SYN2: variants seen among roughly 807,000 people sequenced by gnomAD.
SYN2 encodes the protein synapsin II.
A neutral mutation model predicts 50.9 loss-of-function variants in SYN2; 19 were observed. The ratio of observed to expected loss-of-function variants is 0.37; its 90% CI spans 0.26 to 0.55. SYN2 has a LOEUF of 0.55. Ranked by LOEUF, SYN2 falls within the 20% of genes least tolerant of loss-of-function variation. The pLI, the probability that SYN2 is intolerant of heterozygous loss-of-function variation, is 0.81. For missense variants in SYN2, 587 were observed against 576.4 expected, an observed-to-expected ratio of 1.02 and a Z score of -0.19; for synonymous variants, 255 against 224.9, an observed-to-expected ratio of 1.13 and a Z score of -1.20.
intron 1 of SYN2, among the ~76,000 whole-genome samples, chr3:12,076,788 G>C (rs185833323): frequency 6.6e-6 from 1 of 152,178 alleles, no homozygotes; most frequent in East Asian, 1.9e-4. Context: ...TCCCATTACA[G>C]ACCTCTTTGA....
intron 7 of SYN2, among the ~76,000 whole-genome samples, chr3:12,166,261 GCAGGACT>G (rs1170393500): frequency 6.6e-6 from 1 of 152,222 alleles, no homozygotes; most frequent in Non-Finnish European, 1.5e-5. Context: ...GACAGTGTAA[GCAGGACT>G]CTTCTGTCCC....
intron 1 of SYN2, chr3:12,070,209 T>C: frequency 2.6e-6 from 1 of 390,490 alleles, no homozygotes; most frequent in South Asian, 2.1e-5. Flanking sequence ...GCCGCCCTGC[T>C]CCTCCGCCTG....
intron 6 of SYN2, 94 bp from the exon 7 acceptor site, chr3:12,161,918 A>G: frequency 1.3e-6 from 2 of 1,529,272 alleles, no homozygotes; most frequent in East Asian, 2.3e-5. Flanking sequence ...TCGGATACAT[A>G]TTGGTGGGTT....
chr3:12,186,968 T>A lies in SYN2; in HGVS notation c.1370-401T>A, dbSNP rs1433971863. 3.9e-5 allele frequency among the ~76,000 whole-genome samples: 6 copies of A among 152,210 alleles called. No homozygotes were observed. The South Asian group carries it at 1.0e-3, about 26-fold the overall frequency. On this transcript the variant is annotated intron_variant, in intron 11 of 12. Transcript: ENST00000621198. ...AGATCCAGTGCTCTCTCCACCACAC[T>A]CTCCTGCATCTGCCATGTGGAACTT...
chr3:12,012,712 C>T (rs1455678806), intron 1 of SYN2, among the ~76,000 whole-genome samples: 4 of 152,142 alleles, frequency 2.6e-5, no homozygotes, highest in Non-Finnish European at 4.4e-5. Flanking sequence ...TTTCATTCTC[C>T]GAGGATAAAG....
In SYN2 at chr3:12,097,335, G is replaced by A. The variant is rs1292086633; in HGVS notation, c.378-43316G>A. Among the ~76,000 whole-genome samples, 9 of 152,090 alleles carry A rather than the reference G, an allele frequency of 5.9e-5. No individual in the cohort carries two copies. In the South Asian group the frequency reaches 6.2e-4, roughly 11 times the overall value. ...AATGTGGCACATAATGGCCGGGTGC[G>A]GTGGCTAATGCTTGTAATCCCAGCA... On this transcript the variant is annotated intron_variant, in intron 1 of 12. Transcript: ENST00000621198.
intron 7 of SYN2, among the ~76,000 whole-genome samples, chr3:12,163,150 G>T (rs1032068481): frequency 5.3e-5 from 8 of 150,092 alleles, no homozygotes; most frequent in African/African-American, 2.0e-4. Context: ...GCTGAGGCAG[G>T]AGAATGGCAT....
At chr3:12,162,188 G>A (rs754718623) in intron 7 of SYN2, 34 bp downstream of exon 7, 39 of 1,606,240 alleles carry the variant, frequency 2.4e-5, no homozygotes, top group Non-Finnish European at 3.1e-5. Context: ...TCTCCTCAGT[G>A]ATGATGGAAA....
intron 1 of SYN2, among the ~76,000 whole-genome samples, chr3:12,109,242 A>G (rs983185788): frequency 5.3e-5 from 8 of 152,222 alleles, no homozygotes; most frequent in Non-Finnish European, 8.8e-5. Context: ...CTGGAACTCT[A>G]AAGTCAGCAG....
At position 12,185,802 on chromosome 3, in the gene SYN2, C is replaced by T. The variant is rs60988443; in HGVS notation, c.1370-1567C>T. 7.0e-4 allele frequency: 688 copies of T among 977,278 alleles called. 3 individuals are homozygous for T. In the African/African-American group the frequency reaches 0.011, roughly 16 times the overall value. 60.5% of individuals were successfully genotyped at this position (977,278 alleles called of 1,614,324 possible). A position where few individuals can be genotyped will look rare whatever the true frequency, so the allele number is the denominator to read the frequency against. On this transcript the variant is annotated intron_variant, in intron 11 of 12. Transcript: ENST00000621198. ...TGGGAAAGCACTCAGGTTTCTGGTG[C>T]AAGAGACTGAGCTATTAACCTGTAT...
chr3:12,158,771 G>A (rs1294465081), intron 5 of SYN2: 1 of 1,605,712 alleles, frequency 6.2e-7, no homozygotes, highest in Non-Finnish European at 8.5e-7. Context: ...CCCAGCCCCG[G>A]GGGCCGCAGC....
At chr3:12,067,951 G>A (rs140147285) in intron 1 of SYN2, among the ~76,000 whole-genome samples, 2,020 of 152,246 alleles carry the variant, frequency 0.013, 37 homozygotes, top group African/African-American at 0.046. Context: ...CCAGCTACTT[G>A]GGAGGCTGAA....
At chr3:12,157,425 T>G in intron 5 of SYN2, 2 of 1,614,196 alleles carry the variant, frequency 1.2e-6, no homozygotes, top group Non-Finnish European at 1.7e-6. Flanking sequence ...TTTTTCAGTG[T>G]CAGCAGGGTC....
intron 1 of SYN2, among the ~76,000 whole-genome samples, chr3:12,033,882 A>G (rs945123273): frequency 2.0e-5 from 3 of 152,194 alleles, no homozygotes; most frequent in Non-Finnish European, 2.9e-5. Context: ...CCTACACACA[A>G]TATTTCCTTT....
In SYN2 at chr3:12,190,516, T is replaced by G; in HGVS notation, c.1640T>G (p.Phe547Cys). 1 of 1,613,854 alleles carries G rather than the reference T, an allele frequency of 6.2e-7. No individual in the cohort carries two copies. Among genetic ancestry groups the G allele is most frequent in the Non-Finnish European group, 8.5e-7 (1 of 1,179,838 alleles). Residue 547 changes from phenylalanine to cysteine, a missense_variant, in exon 13 of 13, where the codon TTC (phenylalanine) becomes TGC (cysteine). Physicochemically the swap from Phe to Cys is radical, Grantham distance 205 (BLOSUM62 -2). Transcript: ENST00000621198. ...AAGTCGCAGTCCCTGACAAATGCCT[T>G]CAGCTTCTCTGAGTCCTCCTTCTTC... is the stretch of plus-strand genomic sequence containing the variant. ...LNKSQSLTNA[F>C]SFSESSFFRS...
chr3:12,167,251 G>T lies in SYN2; in HGVS notation c.998G>T (p.Gly333Val). The part of the protein sequence containing the change: ...YKAYMRTSIS[G>V]NWKTNTGSAM... ...TGTTGCAGGAGGACATCGATCTCAG[G>T]GAACTGGAAGACGAACACTGGCTCT... Residue 333 changes from glycine to valine, a missense_variant, in exon 8 of 13, where the codon GGG (glycine) becomes GTG (valine). By Grantham distance (109) the Gly-to-Val change is moderately radical (BLOSUM62 -3). Coordinates refer to ENST00000621198, the MANE Select transcript of SYN2 (RefSeq NM_133625.6). 1.9e-6 allele frequency: 3 copies of T among 1,613,028 alleles called. No homozygotes were observed. The highest frequency in any genetic ancestry group is 2.5e-6 in the Non-Finnish European group (3 of 1,179,648).
chr3:12,151,862 T>A (rs1182795801), intron 5 of SYN2, among the ~76,000 whole-genome samples: 2 of 152,228 alleles, frequency 1.3e-5, no homozygotes, highest in Non-Finnish European at 2.9e-5. Flanking sequence ...ACAACTGTGA[T>A]AAGGCTGGGT....
At chr3:12,021,881 G>GT (rs1447833586) in intron 1 of SYN2, among the ~76,000 whole-genome samples, 8 of 152,032 alleles carry the variant, frequency 5.3e-5, no homozygotes, top group African/African-American at 1.9e-4. Flanking sequence ...CCTGGCCAGC[G>GT]TAACGAAACC....
chr3:12,059,201 G>A (rs1008907510), intron 1 of SYN2, among the ~76,000 whole-genome samples: 10 of 152,204 alleles, frequency 6.6e-5, no homozygotes, highest in African/African-American at 2.2e-4. Flanking sequence ...TTCCTATGGT[G>A]TATAGGTAAG....
Sources: gnomAD v4.1 joint callset for allele counts (sites outside exome capture counted in the v4.1 genomes callset) on GRCh38, gnomAD v4.1.1 for gene constraint, MANE v1.5 for transcripts, NCBI Gene and HGNC (gene_info 2026-07-23, HGNC 2026-07-21) for gene names.